The following SPDL1 variants were observed in gnomAD, a reference collection of about 807,000 sequenced individuals.
SPDL1 encodes the protein spindle apparatus coiled-coil protein 1.
SPDL1 carries 85 observed loss-of-function variants against 79.5 expected under a neutral mutation model. That is an observed-to-expected ratio of 1.07 (90% CI 0.90 to 1.28). The LOEUF (loss-of-function observed/expected upper bound fraction) is 1.28. Among genes scored for constraint, SPDL1 ranks in the 50% most tolerant of loss-of-function variants. The pLI, the probability that SPDL1 is intolerant of heterozygous loss-of-function variation, is 0.00. For synonymous variants in SPDL1, 269 were observed against 240.3 expected, an observed-to-expected ratio of 1.12 and a Z score of -1.10; for missense variants, 703 against 697.8, an observed-to-expected ratio of 1.01 and a Z score of -0.08.
chr5:169,591,273 C>T, intron 3 of SPDL1, 49 bp downstream of exon 3: 3 of 1,566,808 alleles, frequency 1.9e-6, no homozygotes, highest in Non-Finnish European at 2.6e-6. Context: ...ATTTATGCAG[C>T]CATCTGTAAA....
rs1179627726 is a variant in SPDL1, at chr5:169,604,041, G to A, written c.1671-19G>A. 3.8e-6 allele frequency: 6 copies of A among 1,595,312 alleles called. No homozygotes were observed. Among genetic ancestry groups the A allele is most frequent in the African/African-American group, 1.4e-5 (1 of 73,604 alleles). On this transcript the variant is annotated intron_variant, in intron 11 of 11. Transcript: ENST00000265295. ...CATAACCACATTTGAATTCAGAGTG[G>A]ATGCTTTAATGCCTGTAGGTTAGCT...
At chr5:169,599,578 A>G (rs567738304) in intron 10 of SPDL1, among the ~76,000 whole-genome samples, 6 of 152,300 alleles carry the variant, frequency 3.9e-5, no homozygotes, top group African/African-American at 1.4e-4. Flanking sequence ...TCTGCCTCTG[A>G]TGGAAGTCTG....
intron 1 of SPDL1, chr5:169,587,110 C>G (rs1014923606): frequency 3.9e-5 from 6 of 152,186 alleles, no homozygotes; most frequent in African/African-American, 9.7e-5. Context: ...TTCCCAGATT[C>G]TTATTCTGTT....
chr5:169,593,675 T>A, intron 4 of SPDL1, 127 bp downstream of exon 4: 1 of 872,422 alleles, frequency 1.1e-6, no homozygotes, highest in Non-Finnish European at 1.7e-6. Flanking sequence ...AACTTGCATC[T>A]AACTAATTAA....
intron 3 of SPDL1, 59 bp downstream of exon 3, chr5:169,591,283 A>T (rs2113340916): frequency 6.5e-7 from 1 of 1,530,844 alleles, no homozygotes; most frequent in East Asian, 2.3e-5. Context: ...CCATCTGTAA[A>T]CTTTAGATGA....
At chr5:169,600,728 A>G (rs1755833677) in intron 10 of SPDL1, among the ~76,000 whole-genome samples, 1 of 152,222 alleles carries the variant, frequency 6.6e-6, no homozygotes, top group South Asian at 2.1e-4. Context: ...TCATAAAAGT[A>G]GTCTGATTCT....
Position 169,588,410 on chromosome 5 carries a change from AAAG to A in SPDL1, c.-4_-2del, listed in dbSNP as rs1158539826. The A allele has an allele frequency of 3.1e-6, 5 of 1,591,164 alleles. No homozygotes were observed. Among genetic ancestry groups the A allele is most frequent in the Admixed American group, 1.9e-5 (1 of 53,332 alleles). On this transcript the variant is annotated 5_prime_UTR_variant, in exon 2 of 12. Transcript: ENST00000265295. ...TATTTACAGTTGGCTAAAAAAAAGA[AAAG>A]AACATGGAGGCAGATATAATCACAA...
At chr5:169,589,111 T>C (rs1441657976) in intron 2 of SPDL1, among the ~76,000 whole-genome samples, 1 of 152,166 alleles carries the variant, frequency 6.6e-6, no homozygotes, top group Non-Finnish European at 1.5e-5. Context: ...ATATTTTTGG[T>C]TTCTTTATAT....
chr5:169,603,971 C>T, intron 11 of SPDL1, 89 bp from the exon 12 acceptor site: 1 of 1,404,630 alleles, frequency 7.1e-7, no homozygotes, highest in Admixed American at 2.4e-5. Context: ...AATACCATGC[C>T]TTATTGGAGG....
rs778730988 is a variant in SPDL1 at position 169,601,499 on chromosome 5, C to G, written c.1544C>G (p.Ser515Cys). The G allele has an allele frequency of 6.2e-7, 1 of 1,614,114 alleles. No homozygotes were observed. Among genetic ancestry groups the G allele is most frequent in the Non-Finnish European group, 8.5e-7 (1 of 1,180,014 alleles). The change falls in exon 11 of 12, where the codon TCT (serine) becomes TGT (cysteine). Residue 515 changes from serine to cysteine, a missense_variant. Transcript: ENST00000265295. ...ATATACACACCAGTAGTCAGTCTCT[C>G]TCCTCACAAAAATCTGCCCGTGGAT... Reference protein sequence around the residue: ...VSIYTPVVSLSPHKNLPVDMQ... With the variant: ...VSIYTPVVSLCPHKNLPVDMQ...
chr5:169,603,030 G>T (rs916378813), intron 11 of SPDL1, among the ~76,000 whole-genome samples: 1 of 151,904 alleles, frequency 6.6e-6, no homozygotes, highest in Admixed American at 6.6e-5. Context: ...AATGTATGTG[G>T]CTAATTGACT....
At chr5:169,592,239 CAG>C (rs1431017331) in intron 3 of SPDL1, among the ~76,000 whole-genome samples, 3 of 88,626 alleles carry the variant, frequency 3.4e-5, no homozygotes, top group Non-Finnish European at 6.2e-5. Context: ...TTTTTTGAGG[CAG>C]AGTCTCACAC....
chr5:169,599,599 T>G (rs955233369), intron 10 of SPDL1, among the ~76,000 whole-genome samples: 1 of 152,266 alleles, frequency 6.6e-6, no homozygotes. Context: ...GAGGAGGCCT[T>G]CCAGGACTGG....
intron 1 of SPDL1, chr5:169,586,483 C>G (rs1754990813): frequency 2.0e-5 from 3 of 152,336 alleles, no homozygotes; most frequent in Middle Eastern, 3.4e-3. Flanking sequence ...TGATAATTCT[C>G]AAATTTGCAT....
In SPDL1 at chr5:169,593,489, A is replaced by G. The variant is rs1348086282; in HGVS notation, c.472A>G (p.Ser158Gly). 1.2e-6 allele frequency: 2 copies of G among 1,614,014 alleles called. No homozygotes were observed. The highest frequency in any genetic ancestry group is 2.2e-5 in the East Asian group (1 of 44,876). ...LRVMSERVQE[S>G]MSSEMLALQI... is the part of the protein sequence containing the mutation. The stretch of plus-strand genomic sequence containing the variant: ...CGTAATGTCTGAACGTGTGCAGGAA[A>G]GCATGTCTTCAGAGATGCTGGCTCT... The change falls in exon 4 of 12, where the codon AGC becomes GGC. Residue 158 changes from serine to glycine, a missense_variant. Transcript: ENST00000265295.
chr5:169,588,350 G>T, intron 1 of SPDL1, 44 bp from the exon 2 acceptor site: 2 of 1,374,930 alleles, frequency 1.5e-6, no homozygotes, highest in Admixed American at 4.6e-5. Flanking sequence ...ATTGCATGGA[G>T]TTTTTTGTAT....
chr5:169,603,242 A>G (rs1165233484), intron 11 of SPDL1, among the ~76,000 whole-genome samples: 3 of 152,096 alleles, frequency 2.0e-5, no homozygotes, highest in Non-Finnish European at 4.4e-5. Flanking sequence ...TGGGAACTTC[A>G]CTATTGCATG....
At chr5:169,603,092 TACC>T (rs1278203591) in intron 11 of SPDL1, among the ~76,000 whole-genome samples, 1 of 129,118 alleles carries the variant, frequency 7.7e-6, no homozygotes, top group Non-Finnish European at 1.7e-5. Flanking sequence ...AAAAATAAAA[TACC>T]ACAAAACATT....
intron 2 of SPDL1, among the ~76,000 whole-genome samples, chr5:169,589,426 C>T (rs929363134): frequency 6.6e-6 from 1 of 152,196 alleles, no homozygotes. Flanking sequence ...ACAACAAAAT[C>T]TGAGCTCCAT....
Sources: gnomAD v4.1 joint callset for allele counts (sites outside exome capture counted in the v4.1 genomes callset) on GRCh38, gnomAD v4.1.1 for gene constraint, MANE v1.5 for transcripts, NCBI Gene and HGNC (gene_info 2026-07-23, HGNC 2026-07-21) for gene names.